The following PRKG1 variants were observed in gnomAD, a reference collection of about 807,000 sequenced individuals.
PRKG1 encodes protein kinase cGMP-dependent 1.
PRKG1 carries 35 observed loss-of-function variants against 88.1 expected under a neutral mutation model. The observed-to-expected ratio is 0.40, with a 90% confidence interval of 0.30 to 0.53. PRKG1 has a LOEUF of 0.53. PRKG1 is among the 20% of genes least tolerant of loss of function. PRKG1 has a pLI of 0.59. For synonymous variants in PRKG1, 303 were observed against 292.5 expected, an observed-to-expected ratio of 1.04 and a Z score of -0.37; for missense variants, 540 against 839.8, an observed-to-expected ratio of 0.64 and a Z score of 4.41.
At chr10:51,019,742 A>G (rs1240948126) in intron 1 of PRKG1, among the ~76,000 whole-genome samples, 1 of 152,112 alleles carries the variant, frequency 6.6e-6, no homozygotes, top group African/African-American at 2.4e-5. Context: ...CAAATCATAT[A>G]TATGAAAAGG....
chr10:51,588,856 T>C (rs1232453860), intron 3 of PRKG1, among the ~76,000 whole-genome samples: 2 of 152,198 alleles, frequency 1.3e-5, no homozygotes, highest in African/African-American at 4.8e-5. Context: ...ACATCAGTTA[T>C]AGTAATTGCC....
chr10:52,147,896 G>A (rs1837777126), intron 8 of PRKG1, among the ~76,000 whole-genome samples: 1 of 152,170 alleles, frequency 6.6e-6, no homozygotes, highest in Non-Finnish European at 1.5e-5. Context: ...GTTATGGTTA[G>A]GTTGAGCTTG....
chr10:51,329,638 T>C (rs1225170669), intron 2 of PRKG1, among the ~76,000 whole-genome samples: 1 of 152,198 alleles, frequency 6.6e-6, no homozygotes, highest in Non-Finnish European at 1.5e-5. Flanking sequence ...TCAACTTTTG[T>C]TTTTCTGAAA....
intron 1 of PRKG1, among the ~76,000 whole-genome samples, chr10:51,105,744 C>A (rs1383208351): frequency 6.6e-6 from 1 of 152,078 alleles, no homozygotes; most frequent in Non-Finnish European, 1.5e-5. Context: ...AGTCTGATGA[C>A]ATATAATTAC....
At chr10:51,729,145 A>T (rs745383723) in intron 3 of PRKG1, among the ~76,000 whole-genome samples, 17 of 152,180 alleles carry the variant, frequency 1.1e-4, no homozygotes, top group Admixed American at 7.2e-4. Flanking sequence ...TTCAGATGGT[A>T]TAGGATTCCA....
intron 2 of PRKG1, among the ~76,000 whole-genome samples, chr10:51,346,171 G>A (rs566441376): frequency 1.2e-4 from 19 of 152,250 alleles, no homozygotes; most frequent in East Asian, 3.9e-4. Context: ...CAAAAAAGTC[G>A]TTGATGATCA....
intron 3 of PRKG1, among the ~76,000 whole-genome samples, chr10:51,501,998 G>A (rs2132043686): frequency 6.6e-6 from 1 of 152,092 alleles, no homozygotes; most frequent in South Asian, 2.1e-4. Flanking sequence ...TTTATAAAAA[G>A]AGTCAGATAT....
chr10:51,624,989 A>G (rs1176539907), intron 3 of PRKG1, among the ~76,000 whole-genome samples: 2 of 152,216 alleles, frequency 1.3e-5, no homozygotes, highest in African/African-American at 4.8e-5. Flanking sequence ...TGGTGTTCTA[A>G]TATGTAGCAG....
chr10:52,205,364 T>G (rs556065135), intron 9 of PRKG1, among the ~76,000 whole-genome samples: 1 of 152,304 alleles, frequency 6.6e-6, no homozygotes, highest in Admixed American at 6.5e-5. Flanking sequence ...CCTGCCGATA[T>G]GTGATGTGTC....
intron 9 of PRKG1, among the ~76,000 whole-genome samples, chr10:52,213,733 G>C (rs139818370): frequency 3.2e-4 from 49 of 152,332 alleles, no homozygotes; most frequent in African/African-American, 1.1e-3. Context: ...AAGAGAGGCA[G>C]TGGCTACTGT....
intron 3 of PRKG1, among the ~76,000 whole-genome samples, chr10:51,796,813 G>A (rs1301716006): frequency 6.6e-6 from 1 of 152,046 alleles, no homozygotes; most frequent in Non-Finnish European, 1.5e-5. Context: ...GGACAAAAAA[G>A]TACAGGAAAG....
intron 3 of PRKG1, among the ~76,000 whole-genome samples, chr10:51,564,354 A>C (rs1329432156): frequency 6.6e-6 from 1 of 152,126 alleles, no homozygotes; most frequent in Non-Finnish European, 1.5e-5. Context: ...TATAGAGAGA[A>C]ATAAAAAGGC....
At chr10:52,105,532 G>A (rs1056265079) in intron 7 of PRKG1, among the ~76,000 whole-genome samples, 1 of 152,162 alleles carries the variant, frequency 6.6e-6, no homozygotes, top group Non-Finnish European at 1.5e-5. Context: ...GTAGAATGGA[G>A]CCCTAACTCT....
intron 3 of PRKG1, among the ~76,000 whole-genome samples, chr10:51,602,902 G>A (rs899517009): frequency 3.3e-5 from 5 of 151,416 alleles, no homozygotes; most frequent in African/African-American, 1.2e-4. Flanking sequence ...GAGTCTTCTT[G>A]TACCCCCTCC....
At chr10:51,368,428 T>C (rs1842633620) in intron 2 of PRKG1, among the ~76,000 whole-genome samples, 2 of 152,170 alleles carry the variant, frequency 1.3e-5, no homozygotes, top group East Asian at 3.9e-4. Context: ...AATTTCATAT[T>C]CTGAAATTTA....
At chr10:51,987,209 A>C (rs1217118106) in intron 5 of PRKG1, among the ~76,000 whole-genome samples, 1 of 152,128 alleles carries the variant, frequency 6.6e-6, no homozygotes, top group Non-Finnish European at 1.5e-5. Flanking sequence ...CATGTAAATG[A>C]TGTCCAGCAA....
chr10:51,370,118 A>AGAGTGAGTCACTGGGT (rs1564465031), intron 2 of PRKG1, among the ~76,000 whole-genome samples: 1 of 152,118 alleles, frequency 6.6e-6, no homozygotes, highest in Non-Finnish European at 1.5e-5. Flanking sequence ...AGGGCAAACA[A>AGAGTGAGTCACTGGGT]GAGTGAGTCA....
chr10:51,558,937 T>C (rs1401594022), intron 3 of PRKG1, among the ~76,000 whole-genome samples: 1 of 152,126 alleles, frequency 6.6e-6, no homozygotes, highest in Non-Finnish European at 1.5e-5. Context: ...TTACCCAGGC[T>C]CAACCCATGT....
At chr10:52,268,306 A>G (rs1841628349) in intron 10 of PRKG1, among the ~76,000 whole-genome samples, 1 of 151,802 alleles carries the variant, frequency 6.6e-6, no homozygotes, top group South Asian at 2.1e-4. Context: ...AGTAAGCCTG[A>G]CTCCCAAGAA....
Sources: gnomAD v4.1 joint callset for allele counts (sites outside exome capture counted in the v4.1 genomes callset) on GRCh38, gnomAD v4.1.1 for gene constraint, MANE v1.5 for transcripts, NCBI Gene and HGNC (gene_info 2026-07-23, HGNC 2026-07-21) for gene names.